DMTN: variants seen among roughly 807,000 people sequenced by gnomAD.
DMTN encodes the protein dematin actin binding protein, also known as dematin.
DMTN carries 27 observed loss-of-function variants against 59.4 expected under a neutral mutation model. The ratio of observed to expected loss-of-function variants is 0.45; its 90% CI spans 0.33 to 0.63. The LOEUF is 0.63. DMTN is among the 20% of genes least tolerant of loss of function. The pLI, the probability that DMTN is intolerant of heterozygous loss-of-function variation, is 0.02. For missense variants in DMTN, 451 were observed against 528.9 expected, an observed-to-expected ratio of 0.85 and a Z score of 1.45; for synonymous variants, 221 against 203.7, an observed-to-expected ratio of 1.08 and a Z score of -0.72.
At position 22,080,824 on chromosome 8, in the gene DMTN, G is replaced by T; in HGVS notation, c.977G>T (p.Gly326Val). 6.2e-7 allele frequency: 1 copy of T among 1,601,862 alleles called. No individual in the cohort carries two copies. The highest frequency in any genetic ancestry group is 8.5e-7 in the Non-Finnish European group (1 of 1,171,944). The change falls in exon 14 of 16, where the codon GGG (glycine) becomes GTG (valine). Residue 326 changes from glycine to valine, a missense_variant. Transcript: ENST00000358242. ...CCCCAGAACGGAGAGGGCCAGAGGG[G>T]GAGGATGGACCGGGGGAACTCCCTG... ...PGLQNGEGQR[G>V]RMDRGNSLPC...
upstream of DMTN, among the ~76,000 whole-genome samples, chr8:22,056,416 G>A (rs1054670782): frequency 2.6e-5 from 4 of 152,170 alleles, no homozygotes; most frequent in Non-Finnish European, 5.9e-5. Context: ...ATGGTGGGGT[G>A]GTCATGAATA....
intron 12 of DMTN, 37 bp from the exon 13 acceptor site, chr8:22,080,581 A>AG: frequency 6.2e-7 from 1 of 1,612,210 alleles, no homozygotes. Flanking sequence ...TGCTGACCTC[A>AG]GAGCTGCATC....
At chr8:22,063,763 C>A (rs1808331916) in intron 1 of DMTN, among the ~76,000 whole-genome samples, 1 of 152,222 alleles carries the variant, frequency 6.6e-6, no homozygotes, top group African/African-American at 2.4e-5. Context: ...CCTTTCCCCT[C>A]TCTTGACACC....
At chr8:22,069,247 T>C in intron 5 of DMTN, 172 bp from the exon 6 acceptor site, 2 of 860,956 alleles carry the variant, frequency 2.3e-6, no homozygotes, top group Non-Finnish European at 3.5e-6. Flanking sequence ...CCTTTCTCCC[T>C]GGGCCAGGCA....
chr8:22,062,189 C>G lies in DMTN; in HGVS notation c.-171-4516C>G, dbSNP rs113792088. Among the ~76,000 whole-genome samples, 1,122 of 152,006 alleles carry G rather than the reference C, an allele frequency of 7.4e-3. 4 individuals are homozygous for G. Among genetic ancestry groups the G allele is most frequent in the Non-Finnish European group, 0.012 (836 of 67,986 alleles). ...CACTGCAGCCTTGACCTCCTAGGAT[C>G]AACCCATCCTCCTGCCTCAGCCTCC... On this transcript the variant is annotated intron_variant, in intron 1 of 15. Coordinates refer to ENST00000358242, the MANE Select transcript of DMTN (RefSeq NM_001387751.1).
chr8:22,067,188 C>A, intron 3 of DMTN, 29 bp downstream of exon 3: 3 of 1,605,228 alleles, frequency 1.9e-6, no homozygotes, highest in Non-Finnish European at 2.6e-6. Context: ...CACCAGCAAC[C>A]CCTGGCTGGG....
At chr8:22,071,801 C>T (rs759571809) in intron 8 of DMTN, among the ~76,000 whole-genome samples, 13 of 152,110 alleles carry the variant, frequency 8.5e-5, no homozygotes, top group Admixed American at 5.2e-4. Flanking sequence ...AGGATTGTCT[C>T]GATCTCCTGA....
intron 15 of DMTN, 36 bp downstream of exon 15, chr8:22,081,229 T>A: frequency 6.2e-7 from 1 of 1,609,922 alleles, no homozygotes; most frequent in Non-Finnish European, 8.5e-7. Context: ...GGTGCGGGGC[T>A]GTCCACGGGC....
At chr8:22,068,357 CTT>C (rs1296488027) in intron 4 of DMTN, among the ~76,000 whole-genome samples, 1 of 152,212 alleles carries the variant, frequency 6.6e-6, no homozygotes, top group Non-Finnish European at 1.5e-5. Context: ...GGGAGGGTCA[CTT>C]GAGGCCAGGA....
At chr8:22,072,795 G>A (rs1005136675) in intron 9 of DMTN, among the ~76,000 whole-genome samples, 7 of 151,986 alleles carry the variant, frequency 4.6e-5, no homozygotes, top group African/African-American at 1.7e-4. Context: ...GTCTTTCTGG[G>A]GACAGAAGTT....
chr8:22,068,920 C>A, intron 4 of DMTN, 96 bp from the exon 5 acceptor site: 2 of 1,404,432 alleles, frequency 1.4e-6, no homozygotes, highest in South Asian at 2.3e-5. Flanking sequence ...GGAAAGTGTG[C>A]GGCTTTGGGT....
chr8:22,082,278 C>T lies in DMTN; in HGVS notation c.*815C>T, dbSNP rs1162528571. On this transcript the variant is annotated 3_prime_UTR_variant, in exon 16 of 16. Coordinates refer to ENST00000358242, the MANE Select transcript of DMTN (RefSeq NM_001387751.1). The stretch of plus-strand genomic sequence containing the variant: ...ACCTACACCCACGCACCCCCCCACA[C>T]ACTATGCTCTCTCAAGAATGTAATT... The T allele has an allele frequency of 3.7e-5, 17 of 456,792 alleles. No homozygotes were observed. Among genetic ancestry groups the T allele is most frequent in the Non-Finnish European group, 6.6e-5 (15 of 227,002 alleles). The allele number at this position is 456,792 out of a possible 1,614,324, so 28.3% of individuals were successfully genotyped here. A position where few individuals can be genotyped will look rare whatever the true frequency, so the allele number is the denominator to read the frequency against.
intron 1 of DMTN, among the ~76,000 whole-genome samples, chr8:22,062,865 T>G (rs530097029): frequency 6.9e-6 from 1 of 145,042 alleles, no homozygotes; most frequent in South Asian, 2.5e-4. Context: ...TATCAGACCC[T>G]TTGCTGAAAA....
chr8:22,069,756 T>C, intron 6 of DMTN, 125 bp from the exon 7 acceptor site: 6 of 1,163,946 alleles, frequency 5.2e-6, no homozygotes, highest in Non-Finnish European at 7.6e-6. Context: ...ATGCCAGCCC[T>C]GTCTTGGCTC....
intron 1 of DMTN, among the ~76,000 whole-genome samples, chr8:22,062,754 G>T (rs969557351): frequency 6.6e-6 from 1 of 150,498 alleles, no homozygotes; most frequent in Non-Finnish European, 1.5e-5. Flanking sequence ...CCTTCTCCAT[G>T]GTGACACTTG....
intron 10 of DMTN, among the ~76,000 whole-genome samples, chr8:22,079,352 AG>A (rs1467163794): frequency 2.1e-5 from 3 of 143,818 alleles, no homozygotes; most frequent in African/African-American, 7.6e-5. Context: ...GAGGAGGCTG[AG>A]ATGGGGAGAA....
chr8:22,081,491 C>T lies in DMTN; in HGVS notation c.*28C>T, dbSNP rs778031428. ...GCCCCCACCTGCTCCGGGACGGCCC[C>T]CTTACCCCTGCTGCTTCAGGGTTTT... is the stretch of plus-strand genomic sequence containing the variant. On this transcript the variant is annotated 3_prime_UTR_variant, in exon 16 of 16. Coordinates refer to ENST00000358242, the MANE Select transcript of DMTN (RefSeq NM_001387751.1). The T allele has an allele frequency of 8.1e-6, 13 of 1,596,982 alleles. No individual in the cohort carries two copies. The highest frequency in any genetic ancestry group is 5.0e-5 in the Admixed American group (3 of 59,958).
At chr8:22,054,455 C>T (rs979281546), upstream of DMTN, among the ~76,000 whole-genome samples, 5 of 152,124 alleles carry the variant, frequency 3.3e-5, no homozygotes, top group Non-Finnish European at 4.4e-5. Context: ...GTGTGGGGCC[C>T]GCAGCCGCGT....
At chr8:22,064,927 T>C (rs1204067744) in intron 1 of DMTN, among the ~76,000 whole-genome samples, 2 of 152,204 alleles carry the variant, frequency 1.3e-5, no homozygotes, top group Non-Finnish European at 2.9e-5. Context: ...GACAAATTTT[T>C]AACCTCTCTG....
Sources: allele counts gnomAD v4.1 joint callset (sites outside exome capture counted in the v4.1 genomes callset), GRCh38; gene constraint gnomAD v4.1.1; transcripts MANE v1.5; gene names NCBI Gene and HGNC (gene_info 2026-07-23, HGNC 2026-07-21).